The following CSNK1G1 variants were observed in gnomAD, a reference collection of about 807,000 sequenced individuals.
CSNK1G1 encodes casein kinase I isoform gamma-1.
Under a neutral mutation model 59.6 loss-of-function variants are expected in CSNK1G1, and 22 were observed. The observed-to-expected ratio is 0.37, with a 90% CI of 0.26 to 0.53. CSNK1G1 has a LOEUF of 0.53. Ranked by LOEUF, CSNK1G1 falls within the 20% of genes least tolerant of loss-of-function variation. The pLI is 0.89. For synonymous variants in CSNK1G1, 179 were observed against 177.1 expected (o/e 1.01, Z -0.08); for missense variants, 384 against 519.5 (o/e 0.74, Z 2.54).
chr15:64,348,141 T>C (rs1340523948), intron 1 of CSNK1G1, among the ~76,000 whole-genome samples: 2 of 151,666 alleles, frequency 1.3e-5, no homozygotes, highest in African/African-American at 4.8e-5. Flanking sequence ...GACAGTAAAA[T>C]GGTCAGTGTC....
chr15:64,177,951 C>T (rs551758038), intron 11 of CSNK1G1, among the ~76,000 whole-genome samples: 27 of 152,166 alleles, frequency 1.8e-4, no homozygotes, highest in Non-Finnish European at 3.4e-4. Context: ...GGAACAGGTA[C>T]GGCCATCCTT....
intron 2 of CSNK1G1, among the ~76,000 whole-genome samples, chr15:64,263,820 A>T (rs7179208): frequency 9.3e-6 from 1 of 107,942 alleles, no homozygotes; most frequent in Non-Finnish European, 1.9e-5. Context: ...CTTTTTGTTT[A>T]CCAAAAAAAA....
chr15:64,172,045 T>C, intron 11 of CSNK1G1, 60 bp from the exon 12 acceptor site: 3 of 1,474,526 alleles, frequency 2.0e-6, no homozygotes, highest in Non-Finnish European at 2.8e-6. Flanking sequence ...AGCAGACTTC[T>C]GCCTGCTTCT....
At chr15:64,336,401 C>T (rs1897392256) in intron 1 of CSNK1G1, among the ~76,000 whole-genome samples, 1 of 152,166 alleles carries the variant, frequency 6.6e-6, no homozygotes, top group African/African-American at 2.4e-5. Flanking sequence ...CTGAAGTCAG[C>T]ATAAATGCTA....
intron 3 of CSNK1G1, among the ~76,000 whole-genome samples, chr15:64,252,806 T>C (rs1347326866): frequency 3.3e-5 from 5 of 152,204 alleles, no homozygotes; most frequent in African/African-American, 1.2e-4. Flanking sequence ...CTTTGCTCTA[T>C]ACCAATTGAG....
At chr15:64,301,478 G>T (rs1895337189) in intron 1 of CSNK1G1, among the ~76,000 whole-genome samples, 1 of 151,688 alleles carries the variant, frequency 6.6e-6, no homozygotes, top group South Asian at 2.1e-4. Context: ...TAATTTTGAT[G>T]CTATATTTGA....
In CSNK1G1 at chr15:64,188,631, G is replaced by A. The variant is rs995861877; in HGVS notation, c.1108-8177C>T. The A allele has an allele frequency of 1.6e-6, 1 of 641,264 alleles. No individual in the cohort carries two copies. Among genetic ancestry groups the A allele is most frequent in the Admixed American group, 2.7e-5 (1 of 36,714 alleles). The allele number at this position is 641,264 out of a possible 1,614,324, so 39.7% of individuals were successfully genotyped here. A position where few individuals can be genotyped will look rare whatever the true frequency, so the allele number is the denominator to read the frequency against. On this transcript the variant is annotated intron_variant, in intron 10 of 11. Transcript: ENST00000303052. This position sits in a 1 kb window ranked among gnomAD's most constrained non-coding sequence, Gnocchi z 4.2. ...AAACTAACAACCACTGGAAAGCAGT[G>A]AGGAAAAGTAAGCTTGTCTACATTC...
rs1395987971 is a variant in CSNK1G1, at chr15:64,181,097, T to G, written c.1108-643A>C. 4 of 1,390,192 alleles carry G rather than the reference T, an allele frequency of 2.9e-6. No homozygotes were observed. The East Asian group carries it at 1.0e-4, about 35-fold the overall frequency. The allele number at this position is 1,390,192 out of a possible 1,614,324, so 86.1% of individuals were successfully genotyped here. On this transcript the variant is annotated intron_variant, in intron 10 of 11. Coordinates refer to ENST00000303052, the MANE Select transcript of CSNK1G1 (RefSeq NM_022048.5). ...TTTCCTCATGGCTTTGAGCACTGGT[T>G]CGAAGTTACAAATAACAAGATTGTC...
rs544107971 is a variant in CSNK1G1, at chr15:64,188,862, A to T, written c.1108-8408T>A. 3.3e-5 allele frequency among the ~76,000 whole-genome samples: 5 copies of T among 152,258 alleles called. No individual in the cohort carries two copies. The highest frequency in any genetic ancestry group is 2.1e-4 in the South Asian group (1 of 4,822). On this transcript the variant is annotated intron_variant, in intron 10 of 11. Transcript: ENST00000303052. This position sits in a 1 kb window ranked among gnomAD's most constrained non-coding sequence, Gnocchi z 4.2. ...TGTTAAGATTGTTCGGAGTGGTGGCATACGCCTATAATCTCAGCACTTTGG... is the reference window on the plus strand; with the variant it reads ...TGTTAAGATTGTTCGGAGTGGTGGCTTACGCCTATAATCTCAGCACTTTGG...
intron 2 of CSNK1G1, among the ~76,000 whole-genome samples, chr15:64,281,773 G>C (rs1434770268): frequency 6.6e-6 from 1 of 150,686 alleles, no homozygotes; most frequent in Admixed American, 6.6e-5. Context: ...CTGAAAGGCA[G>C]AAGTTGCAGT....
intron 3 of CSNK1G1, among the ~76,000 whole-genome samples, chr15:64,255,005 T>C (rs1215884323): frequency 6.6e-6 from 1 of 152,212 alleles, no homozygotes; most frequent in Non-Finnish European, 1.5e-5. Context: ...CACTGTTATG[T>C]GGGTATCCAG....
intron 10 of CSNK1G1, among the ~76,000 whole-genome samples, chr15:64,198,699 A>G (rs1436133780): frequency 2.6e-5 from 4 of 151,756 alleles, no homozygotes; most frequent in Non-Finnish European, 4.4e-5. Flanking sequence ...TCTTAGAGTA[A>G]TAAGAGAGAG....
intron 2 of CSNK1G1, 119 bp downstream of exon 2, chr15:64,300,200 A>G: frequency 1.1e-6 from 1 of 895,050 alleles, no homozygotes. Context: ...ATTTCTTAAC[A>G]ACAGGTTCTC....
intron 11 of CSNK1G1, among the ~76,000 whole-genome samples, chr15:64,178,218 G>C (rs2081764273): frequency 6.6e-6 from 1 of 152,106 alleles, no homozygotes; most frequent in African/African-American, 2.4e-5. Context: ...ATTTTGTATG[G>C]AAATCGAAAA....
In CSNK1G1 at chr15:64,340,564, G is replaced by C. The variant is rs1284806548; in HGVS notation, c.-225+15424C>G. 2.6e-5 allele frequency among the ~76,000 whole-genome samples: 4 copies of C among 152,252 alleles called. No individual in the cohort carries two copies. The South Asian group carries it at 8.3e-4, about 32-fold the overall frequency. On this transcript the variant is annotated intron_variant, in intron 1 of 11. Transcript: ENST00000303052. ...GTAGAGACTGCAGGTGGCTTTCCCA[G>C]AATCACCACTCCCTCAGTAAAGTCC...
intron 4 of CSNK1G1, among the ~76,000 whole-genome samples, chr15:64,244,070 G>A (rs1047373093): frequency 6.6e-6 from 1 of 151,678 alleles, no homozygotes; most frequent in African/African-American, 2.4e-5. Context: ...TTGGGAGGCT[G>A]AGGCAGGAGA....
intron 2 of CSNK1G1, among the ~76,000 whole-genome samples, chr15:64,272,086 TTTTCCA>T (rs1308860699): frequency 6.6e-6 from 1 of 152,198 alleles, no homozygotes; most frequent in East Asian, 1.9e-4. Context: ...CCTTTTTCTA[TTTTCCA>T]TTTGCTTGGT....
chr15:64,203,619 C>G (rs1316825081), intron 9 of CSNK1G1, among the ~76,000 whole-genome samples: 3 of 148,268 alleles, frequency 2.0e-5, no homozygotes, highest in Non-Finnish European at 4.4e-5. Context: ...ATCGCTTGAA[C>G]CTGGGAGGCG....
rs772954379 is a variant in CSNK1G1 at position 64,204,969 on chromosome 15, A to G, written c.766-20T>C. 1.0e-5 allele frequency: 15 copies of G among 1,447,082 alleles called. No homozygotes were observed. Among genetic ancestry groups the G allele is most frequent in the Non-Finnish European group, 1.1e-5 (11 of 1,039,006 alleles). 89.6% of individuals were successfully genotyped at this position (1,447,082 alleles called of 1,614,324 possible). A position where few individuals can be genotyped will look rare whatever the true frequency, so the allele number is the denominator to read the frequency against. On this transcript the variant is annotated intron_variant, in intron 7 of 11. Coordinates refer to ENST00000303052, the MANE Select transcript of CSNK1G1 (RefSeq NM_022048.5). ...GTCAGCCTGTAGAGAGTAAAGAGAG[A>G]AAGTTACTTTAAAAGAGGGCCTAAA...
Sources: allele counts gnomAD v4.1 joint callset (sites outside exome capture counted in the v4.1 genomes callset), GRCh38; gene constraint gnomAD v4.1.1; non-coding constraint Gnocchi (gnomAD v3.1); transcripts MANE v1.5; gene names NCBI Gene and HGNC (gene_info 2026-07-23, HGNC 2026-07-21).